MEGF11: variants seen among roughly 807,000 people sequenced by gnomAD.
MEGF11 encodes multiple EGF like domains 11.
In MEGF11, 126 loss-of-function variants were observed where a neutral mutation model predicts 146.6. The observed-to-expected ratio is 0.86, with a 90% CI of 0.74 to 1.00. MEGF11 has a LOEUF of 1.00. Ranked by LOEUF, MEGF11 falls within the 50% of genes least tolerant of loss-of-function variation. MEGF11 has a pLI of 0.00. For missense variants in MEGF11, 1,509 were observed against 1,521.2 expected (o/e 0.99, Z 0.13); for synonymous variants, 532 against 583.4 (o/e 0.91, Z 1.27).
rs189676545 is a variant in MEGF11, at chr15:65,995,209, C to T, written c.395-12721G>A. Among the ~76,000 whole-genome samples the T allele has an allele frequency of 2.2e-3, 342 of 152,222 alleles. 6 individuals carry two copies. Among genetic ancestry groups the T allele is most frequent in the Non-Finnish European group, 4.3e-4 (29 of 68,008 alleles). ...GGGCTGGCAGGGCAGCCTGGAAAGG[C>T]GGGTACACAGCCTGGGTAGGCTGCA... On this transcript the variant is annotated intron_variant, in intron 5 of 25. Coordinates refer to ENST00000395614, the MANE Select transcript of MEGF11 (RefSeq NM_001385028.1).
intron 1 of MEGF11, among the ~76,000 whole-genome samples, chr15:66,137,492 A>T (rs1254166241): frequency 1.3e-5 from 2 of 152,008 alleles, no homozygotes; most frequent in African/African-American, 2.4e-5. Flanking sequence ...GGACAGGAAG[A>T]TGCTCGGAGT....
In MEGF11 at chr15:66,048,354, T is replaced by C. The variant is rs144322274; in HGVS notation, c.394+46048A>G. On this transcript the variant is annotated intron_variant, in intron 5 of 25. Transcript: ENST00000395614. Reference sequence around the variant, plus strand: ...CTCTCTAAGCCACCCAATCCTGCACTATGTCACCAAGGGGGTGACCCCGCA... The same window carrying C: ...CTCTCTAAGCCACCCAATCCTGCACCATGTCACCAAGGGGGTGACCCCGCA... 3.4e-3 allele frequency among the ~76,000 whole-genome samples: 524 copies of C among 152,310 alleles called. 5 individuals are homozygous for C. Among genetic ancestry groups the C allele is most frequent in the African/African-American group, 0.012 (501 of 41,572 alleles).
intron 1 of MEGF11, among the ~76,000 whole-genome samples, chr15:66,191,318 G>A (rs1036263251): frequency 6.6e-6 from 1 of 152,176 alleles, no homozygotes; most frequent in Non-Finnish European, 1.5e-5. Context: ...AAAGCACAAA[G>A]GATTCGGCTT....
chr15:66,203,719 A>G (rs575654506), intron 1 of MEGF11, among the ~76,000 whole-genome samples: 1 of 152,378 alleles, frequency 6.6e-6, no homozygotes, highest in Middle Eastern at 3.4e-3. Context: ...CAGGTTAAAC[A>G]AGACAAAGGG....
intron 1 of MEGF11, among the ~76,000 whole-genome samples, chr15:66,137,649 G>A (rs2088955945): frequency 6.6e-6 from 1 of 151,500 alleles, no homozygotes. Context: ...ACCTCCCTGG[G>A]CTTAAGAGAG....
chr15:66,142,758 C>A (rs909032796), intron 1 of MEGF11, among the ~76,000 whole-genome samples: 4 of 152,154 alleles, frequency 2.6e-5, no homozygotes, highest in Non-Finnish European at 5.9e-5. Flanking sequence ...CTGTGTGACC[C>A]CAAATGAGTC....
At chr15:65,944,709 T>G (rs1201432363) in intron 10 of MEGF11, among the ~76,000 whole-genome samples, 1 of 152,070 alleles carries the variant, frequency 6.6e-6, no homozygotes, top group Non-Finnish European at 1.5e-5. Context: ...GCAAATCCAA[T>G]TGCTTATTGA....
At chr15:65,962,845 C>T (rs755180798) in intron 9 of MEGF11, among the ~76,000 whole-genome samples, 15 of 152,148 alleles carry the variant, frequency 9.9e-5, no homozygotes, top group Non-Finnish European at 1.9e-4. Context: ...TGGGCACGCT[C>T]AGAGCCCCCA....
chr15:66,036,609 C>T (rs1008305269), intron 5 of MEGF11, among the ~76,000 whole-genome samples: 10 of 152,174 alleles, frequency 6.6e-5, no homozygotes, highest in Non-Finnish European at 1.2e-4. Flanking sequence ...CACCGAGTCA[C>T]ACCTGCCTTG....
chr15:65,990,003 G>A (rs1338169772), intron 5 of MEGF11, among the ~76,000 whole-genome samples: 1 of 152,158 alleles, frequency 6.6e-6, no homozygotes, highest in Non-Finnish European at 1.5e-5. Context: ...GACCAGCCTG[G>A]ACAACACAGT....
chr15:66,031,493 C>T (rs2083517638), intron 5 of MEGF11, among the ~76,000 whole-genome samples: 1 of 152,180 alleles, frequency 6.6e-6, no homozygotes. Flanking sequence ...AGCACCAGAT[C>T]AGAGGTGGAG....
chr15:66,177,691 T>TG (rs992255851), intron 1 of MEGF11, among the ~76,000 whole-genome samples: 107 of 151,832 alleles, frequency 7.0e-4, no homozygotes, highest in African/African-American at 2.5e-3. Context: ...TTCTTTTTTT[T>TG]TTTTTTTCTT....
chr15:66,178,369 G>A (rs1162264681), intron 1 of MEGF11, among the ~76,000 whole-genome samples: 3 of 152,184 alleles, frequency 2.0e-5, no homozygotes, highest in Admixed American at 6.5e-5. Context: ...CAGTTGTCCA[G>A]CTCCATCCCA....
intron 1 of MEGF11, among the ~76,000 whole-genome samples, chr15:66,191,234 T>A (rs1219327239): frequency 6.6e-6 from 1 of 152,170 alleles, no homozygotes; most frequent in Non-Finnish European, 1.5e-5. Flanking sequence ...CACGGTGAAG[T>A]CTGAGCTCGG....
intron 5 of MEGF11, among the ~76,000 whole-genome samples, chr15:66,038,515 T>C (rs371457163): frequency 6.6e-6 from 1 of 152,172 alleles, no homozygotes; most frequent in East Asian, 1.9e-4. Flanking sequence ...ATAATAAGAT[T>C]ATAGTCTTTT....
intron 24 of MEGF11, among the ~76,000 whole-genome samples, chr15:65,900,666 T>G (rs1375570920): frequency 6.6e-6 from 1 of 152,188 alleles, no homozygotes. Context: ...GCTTATGAGA[T>G]TTAGAGTGGA....
At chr15:66,115,875 T>A (rs1248292416) in intron 4 of MEGF11, among the ~76,000 whole-genome samples, 2 of 152,172 alleles carry the variant, frequency 1.3e-5, no homozygotes, top group Admixed American at 6.5e-5. Context: ...GAACAGACCC[T>A]TCGCCCAGCC....
chr15:66,174,292 G>A (rs1435897904), intron 1 of MEGF11, among the ~76,000 whole-genome samples: 1 of 152,212 alleles, frequency 6.6e-6, no homozygotes. Flanking sequence ...GAGAGATGGA[G>A]GTGGGGCTGT....
intron 5 of MEGF11, among the ~76,000 whole-genome samples, chr15:66,052,330 G>A (rs1243828492): frequency 6.6e-6 from 1 of 152,278 alleles, no homozygotes; most frequent in Non-Finnish European, 1.5e-5. Flanking sequence ...AGCCGTCCTT[G>A]TTACTTCCCC....
Sources: gnomAD v4.1 joint callset for allele counts (sites outside exome capture counted in the v4.1 genomes callset) on GRCh38, gnomAD v4.1.1 for gene constraint, MANE v1.5 for transcripts, NCBI Gene and HGNC (gene_info 2026-07-23, HGNC 2026-07-21) for gene names.